UNC5D: variants seen among roughly 807,000 people sequenced by gnomAD.
The protein encoded by UNC5D is unc-5 netrin receptor D.
In UNC5D, 39 loss-of-function variants were observed where a neutral mutation model predicts 105.4. The ratio of observed to expected loss-of-function variants is 0.37; its 90% CI spans 0.29 to 0.48. The LOEUF is 0.48. UNC5D is among the 20% of genes least tolerant of loss of function. The pLI is 0.98. For missense variants in UNC5D, 991 were observed against 1,202.4 expected, an observed-to-expected ratio of 0.82 and a Z score of 2.60; for synonymous variants, 452 against 450.4, an observed-to-expected ratio of 1.00 and a Z score of -0.04.
At chr8:35,489,056 G>C (rs1400858569) in intron 1 of UNC5D, among the ~76,000 whole-genome samples, 1 of 151,636 alleles carries the variant, frequency 6.6e-6, no homozygotes, top group Non-Finnish European at 1.5e-5. Flanking sequence ...ACCTAGGCTG[G>C]AGTGCAGTGG....
intron 3 of UNC5D, among the ~76,000 whole-genome samples, chr8:35,577,679 C>T (rs1023714985): frequency 6.6e-6 from 1 of 152,122 alleles, no homozygotes; most frequent in Non-Finnish European, 1.5e-5. Context: ...AGCATGGAGG[C>T]TAAAACTAAT....
chr8:35,656,295 G>T (rs1823730341), intron 4 of UNC5D, among the ~76,000 whole-genome samples: 1 of 152,114 alleles, frequency 6.6e-6, no homozygotes, highest in South Asian at 2.1e-4. Context: ...AGTGCAAAGG[G>T]TGTGTGTTCA....
intron 14 of UNC5D, among the ~76,000 whole-genome samples, chr8:35,761,036 CTT>C (rs1167410354): frequency 6.6e-6 from 1 of 151,180 alleles, no homozygotes; most frequent in African/African-American, 2.4e-5. Context: ...CCCCTGAACA[CTT>C]TTTTTTTCAG....
chr8:35,570,676 G>A (rs954030118), intron 3 of UNC5D, among the ~76,000 whole-genome samples: 12 of 151,992 alleles, frequency 7.9e-5, no homozygotes, highest in African/African-American at 1.5e-4. Flanking sequence ...CACTTAGCCC[G>A]GGCACGGTGG....
intron 3 of UNC5D, among the ~76,000 whole-genome samples, chr8:35,584,663 C>A (rs967447708): frequency 1.3e-5 from 2 of 151,906 alleles, no homozygotes; most frequent in Admixed American, 1.3e-4. Flanking sequence ...GTGGCCCAAG[C>A]TGGTATCAAA....
chr8:35,598,780 T>C (rs1454883231), intron 4 of UNC5D, among the ~76,000 whole-genome samples: 3 of 152,132 alleles, frequency 2.0e-5, no homozygotes, highest in African/African-American at 2.4e-5. Context: ...GCAGGCAGTA[T>C]GTCAAGTGCA....
chr8:35,757,628 C>T (rs7833421), intron 13 of UNC5D, among the ~76,000 whole-genome samples: 29,120 of 152,134 alleles, frequency 0.19, 7,940 homozygotes, highest in African/African-American at 0.61. Context: ...CCTTTCACAA[C>T]ATTGTAAGTT....
chr8:35,678,055 T>C (rs1463227109), intron 4 of UNC5D, among the ~76,000 whole-genome samples: 1 of 152,122 alleles, frequency 6.6e-6, no homozygotes, highest in Non-Finnish European at 1.5e-5. Flanking sequence ...AACTATAATT[T>C]TGGAAGTCCT....
chr8:35,624,038 C>T (rs1165235394), intron 4 of UNC5D, among the ~76,000 whole-genome samples: 3 of 152,112 alleles, frequency 2.0e-5, no homozygotes, highest in Admixed American at 2.0e-4. Flanking sequence ...CGAAATTGTG[C>T]CACTGCACTC....
intron 4 of UNC5D, among the ~76,000 whole-genome samples, chr8:35,601,347 C>G (rs1398275956): frequency 6.6e-6 from 1 of 151,892 alleles, no homozygotes; most frequent in African/African-American, 2.4e-5. Context: ...AAAGTCATTC[C>G]AATTCTGTGA....
At chr8:35,508,447 T>C (rs1030047130) in intron 1 of UNC5D, among the ~76,000 whole-genome samples, 19 of 152,196 alleles carry the variant, frequency 1.2e-4, no homozygotes, top group African/African-American at 4.1e-4. Flanking sequence ...AGACTGTATT[T>C]CTCTTCAGAG....
At chr8:35,553,509 A>G (rs762422376) in intron 2 of UNC5D, among the ~76,000 whole-genome samples, 1 of 152,172 alleles carries the variant, frequency 6.6e-6, no homozygotes, top group East Asian at 1.9e-4. Flanking sequence ...CTTTTTTGTA[A>G]AGAACTTAAT....
At chr8:35,528,471 A>C (rs1334787856) in intron 1 of UNC5D, among the ~76,000 whole-genome samples, 9 of 147,406 alleles carry the variant, frequency 6.1e-5, no homozygotes, top group Non-Finnish European at 1.3e-4. Flanking sequence ...GTTGGTTCCA[A>C]GTCTTTGCTA....
chr8:35,682,889 G>A (rs1318273374), intron 4 of UNC5D, among the ~76,000 whole-genome samples: 1 of 152,170 alleles, frequency 6.6e-6, no homozygotes, highest in Non-Finnish European at 1.5e-5. Flanking sequence ...AAGAAGGGCT[G>A]GGCCTCAACT....
At chr8:35,319,202 T>C (rs192583777) in intron 1 of UNC5D, among the ~76,000 whole-genome samples, 2 of 152,230 alleles carry the variant, frequency 1.3e-5, no homozygotes, top group East Asian at 1.9e-4. Context: ...TCTAATTTCC[T>C]AGTAAAATAT....
intron 1 of UNC5D, among the ~76,000 whole-genome samples, chr8:35,428,287 C>G (rs916452519): frequency 4.6e-5 from 7 of 151,896 alleles, no homozygotes; most frequent in African/African-American, 1.7e-4. Flanking sequence ...CTTAAGCAAT[C>G]CTCCCACCTC....
intron 1 of UNC5D, among the ~76,000 whole-genome samples, chr8:35,413,461 CT>C (rs556334880): frequency 0.011 from 1,477 of 137,932 alleles, 7 homozygotes; most frequent in African/African-American, 0.019. Context: ...CCACCATGGG[CT>C]TTTTTTTTTT....
At chr8:35,751,613 A>G (rs1830285412) in intron 13 of UNC5D, among the ~76,000 whole-genome samples, 1 of 152,196 alleles carries the variant, frequency 6.6e-6, no homozygotes, top group African/African-American at 2.4e-5. Flanking sequence ...CTTTCACTGT[A>G]ATAATTTTCT....
At chr8:35,624,029 G>A (rs949111510) in intron 4 of UNC5D, among the ~76,000 whole-genome samples, 4 of 152,092 alleles carry the variant, frequency 2.6e-5, no homozygotes, top group African/African-American at 7.2e-5. Context: ...GCGGTGAGCC[G>A]AAATTGTGCC....
Sources: gnomAD v4.1 joint callset for allele counts (sites outside exome capture counted in the v4.1 genomes callset) on GRCh38, gnomAD v4.1.1 for gene constraint, MANE v1.5 for transcripts, NCBI Gene and HGNC (gene_info 2026-07-23, HGNC 2026-07-21) for gene names.